NDST4: variants seen among roughly 807,000 people sequenced by gnomAD.
The protein encoded by NDST4 is N-deacetylase and N-sulfotransferase 4.
A neutral mutation model predicts 100.8 loss-of-function variants in NDST4; 63 were observed. The observed-to-expected ratio is 0.62, with a 90% CI of 0.51 to 0.77. The LOEUF (loss-of-function observed/expected upper bound fraction) is 0.77, where lower values mean the gene tolerates loss of function less well. Ranked by LOEUF, NDST4 falls within the 30% of genes least tolerant of loss-of-function variation. The pLI is 0.00. For missense variants in NDST4, 943 were observed against 1,018.4 expected (o/e 0.93, Z 1.01); for synonymous variants, 377 against 361.8 (o/e 1.04, Z -0.48).
At chr4:115,011,912 A>G (rs968512145) in intron 2 of NDST4, among the ~76,000 whole-genome samples, 1 of 151,972 alleles carries the variant, frequency 6.6e-6, no homozygotes, top group African/African-American at 2.4e-5. Context: ...TGCTTTGTTA[A>G]TTTAACAAAA....
At chr4:114,935,396 C>CTTA (rs997766608) in intron 5 of NDST4, 62 bp from the exon 6 acceptor site, 9 of 1,415,190 alleles carry the variant, frequency 6.4e-6, no homozygotes, top group Non-Finnish European at 7.5e-6. Flanking sequence ...TCACCTGTGT[C>CTTA]TCATAACTTT....
At chr4:115,038,162 A>C (rs988957734) in intron 2 of NDST4, among the ~76,000 whole-genome samples, 7 of 152,174 alleles carry the variant, frequency 4.6e-5, no homozygotes, top group African/African-American at 1.7e-4. Context: ...TTATCTTTTT[A>C]CGAGGAAGTA....
At chr4:115,027,696 C>T (rs1728017700) in intron 2 of NDST4, among the ~76,000 whole-genome samples, 1 of 152,002 alleles carries the variant, frequency 6.6e-6, no homozygotes, top group Admixed American at 6.6e-5. Context: ...CTGTTGGAAA[C>T]TTAAATTTTA....
At chr4:115,092,840 A>G (rs2126295466) in intron 1 of NDST4, among the ~76,000 whole-genome samples, 1 of 152,324 alleles carries the variant, frequency 6.6e-6, no homozygotes, top group South Asian at 2.1e-4. Flanking sequence ...AACACAAAAT[A>G]AATAGGTCTG....
chr4:115,063,457 A>G (rs1359356086), intron 2 of NDST4, among the ~76,000 whole-genome samples: 1 of 151,992 alleles, frequency 6.6e-6, no homozygotes, highest in African/African-American at 2.4e-5. Flanking sequence ...ATTTTCCATG[A>G]TAATTTAATT....
At chr4:115,089,426 A>G (rs1193348067) in intron 1 of NDST4, among the ~76,000 whole-genome samples, 1 of 151,908 alleles carries the variant, frequency 6.6e-6, no homozygotes, top group Non-Finnish European at 1.5e-5. Flanking sequence ...AGTTTGCTTC[A>G]AACTATAAAA....
intron 2 of NDST4, among the ~76,000 whole-genome samples, chr4:114,989,411 A>C (rs1180984474): frequency 1.3e-5 from 2 of 152,218 alleles, no homozygotes; most frequent in African/African-American, 4.8e-5. Flanking sequence ...CTATTCAAGA[A>C]ATATTTAAGC....
intron 1 of NDST4, among the ~76,000 whole-genome samples, chr4:115,084,242 T>C (rs1162611635): frequency 6.6e-6 from 1 of 152,180 alleles, no homozygotes; most frequent in African/African-American, 2.4e-5. Context: ...CCTAGAGAGC[T>C]GTGGAACTTT....
chr4:114,971,975 A>C (rs529797757), intron 3 of NDST4, among the ~76,000 whole-genome samples: 2 of 152,028 alleles, frequency 1.3e-5, no homozygotes, highest in African/African-American at 4.8e-5. Flanking sequence ...GATGAGATTA[A>C]TTTATTAAAG....
At chr4:115,017,833 T>G (rs564502149) in intron 2 of NDST4, among the ~76,000 whole-genome samples, 1 of 151,950 alleles carries the variant, frequency 6.6e-6, no homozygotes, top group Admixed American at 6.6e-5. Flanking sequence ...TGCTGCCCAG[T>G]GCCCAACCAC....
At chr4:114,843,437 C>T (rs969139036) in intron 10 of NDST4, among the ~76,000 whole-genome samples, 2 of 152,204 alleles carry the variant, frequency 1.3e-5, no homozygotes, top group Non-Finnish European at 2.9e-5. Context: ...ATCATGTTTT[C>T]TCAGTTCTAC....
chr4:114,957,879 C>T (rs191411480), intron 4 of NDST4, among the ~76,000 whole-genome samples: 1 of 152,314 alleles, frequency 6.6e-6, no homozygotes, highest in African/African-American at 2.4e-5. Context: ...ACATCCAGAT[C>T]ATACTGATGC....
chr4:115,039,296 G>A (rs564162725), intron 2 of NDST4, among the ~76,000 whole-genome samples: 1 of 152,250 alleles, frequency 6.6e-6, no homozygotes, highest in African/African-American at 2.4e-5. Flanking sequence ...AACCTTAGAA[G>A]AGCTGCTAGA....
rs1407410250 is a variant in NDST4, at chr4:115,059,401, G to A, written c.978+16658C>T. Among the ~76,000 whole-genome samples, 3 of 152,040 alleles carry A rather than the reference G, an allele frequency of 2.0e-5. No homozygotes were observed. In the South Asian group the frequency reaches 6.2e-4, roughly 32 times the overall value. ...CTGTGATTACCTTCATATGGAAAAG[G>A]GTTTCATATGGTACACATGTGACTA... is the stretch of plus-strand genomic sequence containing the variant. On this transcript the variant is annotated intron_variant, in intron 2 of 13. Transcript: ENST00000264363.
intron 2 of NDST4, among the ~76,000 whole-genome samples, chr4:115,017,483 G>T (rs1362074822): frequency 6.6e-6 from 1 of 151,930 alleles, no homozygotes; most frequent in African/African-American, 2.4e-5. Context: ...ACTGCTTTAT[G>T]CCATTCCTTG....
intron 2 of NDST4, among the ~76,000 whole-genome samples, chr4:115,005,876 T>C (rs1421488826): frequency 6.6e-6 from 1 of 151,632 alleles, no homozygotes. Flanking sequence ...CCACTAAAAA[T>C]ACAAAAATTA....
In NDST4 at chr4:115,010,024, A is replaced by T. The variant is rs1266671064; in HGVS notation, c.979-32750T>A. On this transcript the variant is annotated intron_variant, in intron 2 of 13. Coordinates refer to ENST00000264363, the MANE Select transcript of NDST4 (RefSeq NM_022569.3). Reference sequence around the variant, plus strand: ...CCAGTTAGAATGGCAATCATTAAAAAGTCAGGAAACAACAGGTGCTGGAGA... The same window carrying T: ...CCAGTTAGAATGGCAATCATTAAAATGTCAGGAAACAACAGGTGCTGGAGA... 4.7e-5 allele frequency among the ~76,000 whole-genome samples: 5 copies of T among 105,712 alleles called. 1 individual carries two copies. In the East Asian group the frequency reaches 1.5e-3, roughly 32 times the overall value. The allele number at this position is 105,712 out of a possible 152,430, so 69.4% of individuals were successfully genotyped here. A position where few individuals can be genotyped will look rare whatever the true frequency, so the allele number is the denominator to read the frequency against.
intron 6 of NDST4, among the ~76,000 whole-genome samples, chr4:114,881,546 T>C (rs1014075124): frequency 1.3e-5 from 2 of 151,994 alleles, no homozygotes; most frequent in African/African-American, 4.8e-5. Context: ...TATAGAAGCA[T>C]GCTGTGGCTG....
At chr4:114,940,900 A>C (rs1201537305) in intron 4 of NDST4, among the ~76,000 whole-genome samples, 6 of 152,072 alleles carry the variant, frequency 3.9e-5, no homozygotes, top group Non-Finnish European at 5.9e-5. Context: ...TCTGCTGCTC[A>C]GTTGCTCTCC....
Sources: allele counts gnomAD v4.1 joint callset (sites outside exome capture counted in the v4.1 genomes callset), GRCh38; gene constraint gnomAD v4.1.1; transcripts MANE v1.5; gene names NCBI Gene and HGNC (gene_info 2026-07-23, HGNC 2026-07-21).